ZXDC: variants seen among roughly 807,000 people sequenced by gnomAD.
ZXDC encodes the protein ZXD family zinc finger C, also known as zinc finger protein ZXDC.
ZXDC carries 58 observed loss-of-function variants against 63.6 expected under a neutral mutation model. That is an observed-to-expected ratio of 0.91 (90% CI 0.74 to 1.13). The LOEUF (loss-of-function observed/expected upper bound fraction) is 1.13. ZXDC is among the 50% of genes most tolerant of loss of function. The pLI is 0.00. For synonymous variants in ZXDC, 561 were observed against 496.1 expected (o/e 1.13, Z -1.74); for missense variants, 1,133 against 1,148.9 (o/e 0.99, Z 0.20).
rs576232418 is a variant in ZXDC at position 126,459,903 on chromosome 3, G to C, written c.2128-166C>G. 4 of 985,344 alleles carry C rather than the reference G, an allele frequency of 4.1e-6. No individual in the cohort carries two copies. The Admixed American group carries it at 1.8e-4, about 45-fold the overall frequency. 61.0% of individuals were successfully genotyped at this position (985,344 alleles called of 1,614,324 possible). ...GCCAAACGCTACATCCACTTGTGGC[G>C]AGGGCCGAACAAACTTGGAGCTGGA... On this transcript the variant is annotated intron_variant, in intron 6 of 9. Transcript: ENST00000389709.
In ZXDC at chr3:126,475,577, C is replaced by G. The variant is rs1386332503; in HGVS notation, c.289G>C (p.Glu97Gln). Residue 97 changes from glutamate (E) to glutamine (Q), a missense_variant, in exon 1 of 10, where the codon GAG becomes CAG. By Grantham distance (29) the Glu-to-Gln change is conservative. Coordinates refer to ENST00000389709, the MANE Select transcript of ZXDC (RefSeq NM_025112.5). ...GCCAGGTTGACACGGGAGCCAGGCT[C>G]GGCCTCCTGTGATCCGGCAGCCTCG... ...AAEAAGSQEA[E>Q]PGSRVNLASR... 2 of 1,442,482 alleles carry G rather than the reference C, an allele frequency of 1.4e-6. No individual in the cohort carries two copies. Among genetic ancestry groups the G allele is most frequent in the East Asian group, 2.9e-5 (1 of 34,288 alleles). The allele number at this position is 1,442,482 out of a possible 1,614,324, so 89.4% of individuals were successfully genotyped here. A position where few individuals can be genotyped will look rare whatever the true frequency, so the allele number is the denominator to read the frequency against.
intron 1 of ZXDC, among the ~76,000 whole-genome samples, chr3:126,474,108 C>T (rs140447400): frequency 1.3e-5 from 2 of 150,478 alleles, no homozygotes; most frequent in African/African-American, 2.5e-5. Flanking sequence ...TCTGTCGCCC[C>T]GGCTGGAATG....
At chr3:126,459,970 T>A (rs1934461145) in intron 6 of ZXDC, 1 of 985,348 alleles carries the variant, frequency 1.0e-6, no homozygotes, top group African/African-American at 1.7e-5. Flanking sequence ...CAAAGTTCAT[T>A]CCTTCATAGT....
chr3:126,472,327 C>T (rs777813957), intron 1 of ZXDC, 22 bp from the exon 2 acceptor site: 1 of 1,595,960 alleles, frequency 6.3e-7, no homozygotes. Flanking sequence ...AAACACAAAC[C>T]CTGCTCAAAG....
At chr3:126,460,330 A>G (rs1934475979) in intron 6 of ZXDC, 1 of 519,384 alleles carries the variant, frequency 1.9e-6, no homozygotes, top group Non-Finnish European at 2.5e-6. Context: ...TTTAACACTT[A>G]TCGCTATGAA....
intron 9 of ZXDC, 101 bp downstream of exon 9, chr3:126,439,531 C>T (rs1019732612): frequency 5.4e-5 from 83 of 1,543,124 alleles, no homozygotes; most frequent in East Asian, 7.3e-5. Flanking sequence ...CCAAGCCACG[C>T]GGCCTCAGTG....
rs371505037 is a variant in ZXDC, at chr3:126,454,783, G to A, written c.2212+4870C>T. 1.6e-5 allele frequency: 16 copies of A among 985,272 alleles called. 1 individual carries two copies. The highest frequency in any genetic ancestry group is 1.0e-3 in the Middle Eastern group (2 of 1,936). 61.0% of individuals were successfully genotyped at this position (985,272 alleles called of 1,614,324 possible). A position where few individuals can be genotyped will look rare whatever the true frequency, so the allele number is the denominator to read the frequency against. On this transcript the variant is annotated intron_variant, in intron 7 of 9. Transcript: ENST00000389709. ...GTTCTGAAGCTGTTCACGTTTTTAA[G>A]CTTAACTTTGCTATTCATTTCAAGA... is the stretch of plus-strand genomic sequence containing the variant.
intron 7 of ZXDC, among the ~76,000 whole-genome samples, chr3:126,444,299 A>G (rs186481420): frequency 3.2e-3 from 487 of 152,342 alleles, no homozygotes; most frequent in South Asian, 0.019. Context: ...TTGGGAGGCC[A>G]AGGCGGGCAG....
At chr3:126,474,938 C>A in intron 1 of ZXDC, 21 bp downstream of exon 1, 1 of 1,546,516 alleles carries the variant, frequency 6.5e-7, no homozygotes, top group Non-Finnish European at 8.7e-7. Context: ...GCAGCCCGCC[C>A]GCCCCCGAGA....
chr3:126,449,165 T>C, intron 7 of ZXDC, among the ~76,000 whole-genome samples: 1 of 152,216 alleles, frequency 6.6e-6, no homozygotes, highest in East Asian at 1.9e-4. Context: ...TCTGACAAAA[T>C]GTTGAATGTA....
chr3:126,472,975 G>A (rs1351438939), intron 1 of ZXDC, among the ~76,000 whole-genome samples: 1 of 152,166 alleles, frequency 6.6e-6, no homozygotes, highest in African/African-American at 2.4e-5. Flanking sequence ...AAAACATGAG[G>A]CTGCAGGATG....
intron 7 of ZXDC, among the ~76,000 whole-genome samples, chr3:126,444,824 G>A (rs1380421632): frequency 6.6e-6 from 1 of 152,178 alleles, no homozygotes; most frequent in Non-Finnish European, 1.5e-5. Context: ...TTCGAATCAT[G>A]GGAAAATCAG....
At chr3:126,472,747 G>T (rs1266090590) in intron 1 of ZXDC, among the ~76,000 whole-genome samples, 2 of 152,174 alleles carry the variant, frequency 1.3e-5, no homozygotes, top group Non-Finnish European at 2.9e-5. Context: ...TGGGGGTGAT[G>T]CTGCATCCTC....
At chr3:126,454,608 G>C (rs1934238139) in intron 7 of ZXDC, 4 of 985,386 alleles carry the variant, frequency 4.1e-6, no homozygotes, top group Non-Finnish European at 3.6e-6. Context: ...CTCTTGAAAG[G>C]AGAGGTGCCC....
intron 4 of ZXDC, among the ~76,000 whole-genome samples, chr3:126,468,895 C>T (rs909119499): frequency 9.9e-5 from 15 of 152,210 alleles, no homozygotes; most frequent in African/African-American, 3.4e-4. Flanking sequence ...TGCCAGTACC[C>T]GTCCCAGCCA....
intron 7 of ZXDC, chr3:126,452,350 A>T (rs1300778466): frequency 2.0e-6 from 2 of 985,252 alleles, no homozygotes; most frequent in African/African-American, 1.7e-5. Flanking sequence ...GAAGAGTGAG[A>T]GGCTTCTCTT....
At position 126,461,697 on chromosome 3, in the gene ZXDC, C is replaced by A; in HGVS notation, c.1965G>T (p.Leu655=). Residue 655 remains leucine, a synonymous_variant, in exon 6 of 10, where the codon CTG becomes CTT. Transcript: ENST00000389709. ...CCGGCTCCACCTTGATTGGAGCCAGCAGTTCCGGGACACTGGCATTTTCTC... is the reference window on the plus strand; with the variant it reads ...CCGGCTCCACCTTGATTGGAGCCAGAAGTTCCGGGACACTGGCATTTTCTC... ...TPRENASVPE[L]LAPIKVEPDS... is the part of the protein sequence containing the mutation. 1 of 1,612,734 alleles carries A rather than the reference C, an allele frequency of 6.2e-7. No homozygotes were observed. The highest frequency in any genetic ancestry group is 8.5e-7 in the Non-Finnish European group (1 of 1,179,792).
chr3:126,454,392 C>G, intron 7 of ZXDC: 2 of 985,304 alleles, frequency 2.0e-6, no homozygotes, highest in Non-Finnish European at 2.4e-6. Context: ...GAACAGCAAC[C>G]AAAAAGAGGA....
intron 7 of ZXDC, among the ~76,000 whole-genome samples, chr3:126,452,814 C>G (rs1377790767): frequency 6.6e-6 from 1 of 151,492 alleles, no homozygotes; most frequent in Non-Finnish European, 1.5e-5. Context: ...TCCTAGCTCA[C>G]GACAACCTCC....
Sources: gnomAD v4.1 joint callset for allele counts (sites outside exome capture counted in the v4.1 genomes callset) on GRCh38, gnomAD v4.1.1 for gene constraint, MANE v1.5 for transcripts, NCBI Gene and HGNC (gene_info 2026-07-23, HGNC 2026-07-21) for gene names.